Variants in CLVS1 observed in about 807,000 individuals in gnomAD.
CLVS1 encodes clavesin-1.
Under a neutral mutation model 33.1 loss-of-function variants are expected in CLVS1, and 10 were observed. The ratio of observed to expected loss-of-function variants is 0.30; its 90% CI spans 0.19 to 0.51. The LOEUF is 0.51. Among genes scored for constraint, CLVS1 ranks in the 20% least tolerant of loss-of-function variants. The probability of loss-of-function intolerance (pLI) is 0.97; values close to 1 mark genes in which losing one functional copy is unlikely to be tolerated. For missense variants in CLVS1, 343 were observed against 433.4 expected, an observed-to-expected ratio of 0.79 and a Z score of 1.85; for synonymous variants, 163 against 166.1, an observed-to-expected ratio of 0.98 and a Z score of 0.14.
chr8:61,452,586 C>A (rs1411796733), intron 3 of CLVS1, among the ~76,000 whole-genome samples: 1 of 151,956 alleles, frequency 6.6e-6, no homozygotes, highest in Non-Finnish European at 1.5e-5. Context: ...CTAAACTATA[C>A]CTGGAGGAAA....
the CLVS1 span, among the ~76,000 whole-genome samples, chr8:60,996,696 C>T: frequency 6.6e-6 from 1 of 152,148 alleles, no homozygotes; most frequent in South Asian, 2.1e-4. Context: ...TGGTGGCTCT[C>T]TGTCACTCAA....
chr8:61,136,673 C>A (rs146276653), intron 2 of CLVS1, among the ~76,000 whole-genome samples: 1 of 152,150 alleles, frequency 6.6e-6, no homozygotes, highest in East Asian at 1.9e-4. Flanking sequence ...CAACACACAC[C>A]GGGGCCTTTT....
chr8:61,251,399 C>T (rs375809068), intron 2 of CLVS1, among the ~76,000 whole-genome samples: 1 of 151,714 alleles, frequency 6.6e-6, no homozygotes, highest in African/African-American at 2.4e-5. Context: ...CTCTGCCAGG[C>T]TTTGGTATTA....
chr8:61,210,358 T>C lies in CLVS1; in HGVS notation c.-152+78498T>C, dbSNP rs563615278. On this transcript the variant is annotated intron_variant, in intron 2 of 2. Coordinates refer to the CLVS1 transcript ENST00000522621. ...ACTGAAACTGCCGATGTCTTGGTCTTGGACCCCCAGGCCTCAGAACTGTGA... is the reference window on the plus strand; with the variant it reads ...ACTGAAACTGCCGATGTCTTGGTCTCGGACCCCCAGGCCTCAGAACTGTGA... Among the ~76,000 whole-genome samples the C allele has an allele frequency of 3.3e-5, 5 of 152,364 alleles. No individual in the cohort carries two copies. The South Asian group carries it at 1.0e-3, about 32-fold the overall frequency.
chr8:61,454,115 T>A (rs758341466), intron 3 of CLVS1, 26 bp from the exon 4 acceptor site: 4 of 1,492,180 alleles, frequency 2.7e-6, no homozygotes, highest in Non-Finnish European at 3.7e-6. Flanking sequence ...TACTAATCGG[T>A]GTGCATTTCT....
At chr8:61,234,468 GT>G (rs1297510868) in intron 2 of CLVS1, among the ~76,000 whole-genome samples, 2 of 152,128 alleles carry the variant, frequency 1.3e-5, no homozygotes, top group Admixed American at 1.3e-4. Flanking sequence ...TTTTTCTCAT[GT>G]TGAGGACAAC....
intron 2 of CLVS1, among the ~76,000 whole-genome samples, chr8:61,152,731 A>G (rs1806565514): frequency 6.6e-6 from 1 of 152,134 alleles, no homozygotes; most frequent in Non-Finnish European, 1.5e-5. Context: ...CATTTTAACT[A>G]AATTTTGGAG....
At chr8:61,497,257 G>A (rs1188827758) in intron 5 of CLVS1, among the ~76,000 whole-genome samples, 1 of 152,184 alleles carries the variant, frequency 6.6e-6, no homozygotes, top group Admixed American at 6.5e-5. Context: ...GATATAGATT[G>A]CAATCAGGAA....
chr8:61,306,409 T>A (rs1231210787), intron 2 of CLVS1, among the ~76,000 whole-genome samples: 1 of 152,238 alleles, frequency 6.6e-6, no homozygotes, highest in African/African-American at 2.4e-5. Flanking sequence ...TAAATTTGTT[T>A]AAGTTCCTTA....
the CLVS1 span, among the ~76,000 whole-genome samples, chr8:61,028,441 A>G: frequency 6.6e-6 from 1 of 152,238 alleles, no homozygotes; most frequent in East Asian, 1.9e-4. Flanking sequence ...CAAGTGAGAT[A>G]ATTACAATGA....
At chr8:61,291,843 T>A (rs1366983305) in intron 1 of CLVS1, among the ~76,000 whole-genome samples, 1 of 152,204 alleles carries the variant, frequency 6.6e-6, no homozygotes, top group Admixed American at 6.5e-5. Flanking sequence ...GGTACTTTTA[T>A]GTTCCTCCTG....
chr8:61,121,327 C>T (rs1054173076), intron 1 of CLVS1, among the ~76,000 whole-genome samples: 8 of 152,166 alleles, frequency 5.3e-5, no homozygotes, highest in East Asian at 3.8e-4. Flanking sequence ...CAGAAATCAC[C>T]GTCTTCTGCG....
At chr8:61,149,646 T>C (rs1231962163) in intron 2 of CLVS1, among the ~76,000 whole-genome samples, 4 of 148,956 alleles carry the variant, frequency 2.7e-5, no homozygotes, top group African/African-American at 1.0e-4. Flanking sequence ...TGCAGAAAAG[T>C]AGAAGCAGTG....
intron 2 of CLVS1, among the ~76,000 whole-genome samples, chr8:61,261,706 A>T (rs1309898629): frequency 6.6e-6 from 1 of 152,166 alleles, no homozygotes; most frequent in Non-Finnish European, 1.5e-5. Flanking sequence ...AGTTAGAAGG[A>T]GCCATCTGTG....
chr8:61,475,290 A>G (rs1355839112), intron 5 of CLVS1, among the ~76,000 whole-genome samples: 2 of 152,232 alleles, frequency 1.3e-5, no homozygotes, highest in South Asian at 2.1e-4. Flanking sequence ...AGCATGATTT[A>G]TATACTTTGG....
intron 3 of CLVS1, among the ~76,000 whole-genome samples, chr8:61,453,529 G>A (rs532151076): frequency 5.8e-4 from 89 of 152,272 alleles, no homozygotes; most frequent in Non-Finnish European, 1.1e-3. Flanking sequence ...TTTTCCCTAG[G>A]ATCTACTATG....
At chr8:61,490,190 C>G (rs1370952265) in intron 5 of CLVS1, among the ~76,000 whole-genome samples, 1 of 151,692 alleles carries the variant, frequency 6.6e-6, no homozygotes, top group Admixed American at 6.6e-5. Flanking sequence ...TGGTGCACTC[C>G]TGTAGTCCCA....
the CLVS1 span, among the ~76,000 whole-genome samples, chr8:60,984,668 A>G: frequency 2.0e-5 from 3 of 152,122 alleles, no homozygotes; most frequent in Non-Finnish European, 4.4e-5. Flanking sequence ...AAATGCTTCA[A>G]CTAATACTAC....
intron 2 of CLVS1, among the ~76,000 whole-genome samples, chr8:61,250,092 G>T (rs1005908677): frequency 6.6e-6 from 1 of 151,972 alleles, no homozygotes; most frequent in African/African-American, 2.4e-5. Context: ...TGATTTTTTT[G>T]TATAAGGTGT....
Sources: allele counts gnomAD v4.1 joint callset (sites outside exome capture counted in the v4.1 genomes callset), GRCh38; gene constraint gnomAD v4.1.1; transcripts MANE v1.5; gene names NCBI Gene and HGNC (gene_info 2026-07-23, HGNC 2026-07-21).